Variants in MYH9 observed in about 807,000 individuals in gnomAD.
MYH9 encodes myosin heavy chain 9.
MYH9 carries 29 observed loss-of-function variants against 241.9 expected under a neutral mutation model. The ratio of observed to expected loss-of-function variants is 0.12; its 90% CI spans 0.09 to 0.16. The LOEUF is 0.16. Among genes scored for constraint, MYH9 ranks in the 10% least tolerant of loss-of-function variants. The pLI is 1.00. For missense variants in MYH9, 1,803 were observed against 2,595.5 expected, an observed-to-expected ratio of 0.69 and a Z score of 6.63; for synonymous variants, 1,047 against 1,062.6, an observed-to-expected ratio of 0.99 and a Z score of 0.29.
chr22:36,370,033 C>A (rs927313135), intron 1 of MYH9, among the ~76,000 whole-genome samples: 10 of 152,296 alleles, frequency 6.6e-5, no homozygotes, highest in African/African-American at 2.4e-4. Flanking sequence ...AATATATCAC[C>A]TGGCACTGTG....
intron 3 of MYH9, 24 bp downstream of exon 3, chr22:36,341,346 G>A: frequency 6.2e-7 from 1 of 1,612,864 alleles, no homozygotes; most frequent in South Asian, 1.1e-5. Flanking sequence ...TCAGCCCCAG[G>A]TGGGCACACA....
At position 36,292,009 on chromosome 22, in the gene MYH9, TCTC is replaced by T. The variant is rs775251085; in HGVS notation, c.4318_4320del (p.Glu1440del). The T allele has an allele frequency of 6.2e-7, 1 of 1,614,228 alleles. No homozygotes were observed. The highest frequency in any genetic ancestry group is 8.5e-7 in the Non-Finnish European group (1 of 1,180,042). On this transcript the variant is annotated inframe_deletion, in exon 31 of 41. Transcript: ENST00000216181. ...ACCTGGTCAAACTTCTTCTGCTTCT[TCTC>T]CAGGTTGCACGCGCTCTGGCGCTGG...
chr22:36,338,503 T>C (rs564949560), intron 3 of MYH9, among the ~76,000 whole-genome samples: 3 of 152,262 alleles, frequency 2.0e-5, no homozygotes, highest in East Asian at 1.9e-4. Flanking sequence ...ATGTATTTCC[T>C]ATCCCTGGTC....
intron 1 of MYH9, among the ~76,000 whole-genome samples, chr22:36,356,580 C>CAAAAA (rs34880972): frequency 1.2e-4 from 3 of 24,646 alleles, no homozygotes; most frequent in South Asian, 1.8e-3. Flanking sequence ...GACTCCATCT[C>CAAAAA]AAAAAAAAAA....
At chr22:36,387,106 C>G (rs2018364743) in intron 1 of MYH9, among the ~76,000 whole-genome samples, 1 of 152,236 alleles carries the variant, frequency 6.6e-6, no homozygotes, top group South Asian at 2.1e-4. Flanking sequence ...GGGGGTGGCC[C>G]TTCCTGTCTC....
At chr22:36,376,113 C>A (rs1329578534) in intron 1 of MYH9, among the ~76,000 whole-genome samples, 1 of 151,914 alleles carries the variant, frequency 6.6e-6, no homozygotes, top group East Asian at 1.9e-4. Flanking sequence ...TGGCATGCAC[C>A]ACCACACCCG....
rs2017410546 is a variant in MYH9, at chr22:36,330,867, G to C, written c.491-3379C>G. Among the ~76,000 whole-genome samples, 1 of 152,108 alleles carries C rather than the reference G, an allele frequency of 6.6e-6. No homozygotes were observed. Among genetic ancestry groups the C allele is most frequent in the Non-Finnish European group, 1.5e-5 (1 of 68,024 alleles). The stretch of plus-strand genomic sequence containing the variant: ...CTGGGACACGAGCCCCCTGCCAGAT[G>C]AAAGTCTAGCCGTGGTAGGCGCCTG... On this transcript the variant is annotated intron_variant, in intron 3 of 40. Coordinates refer to ENST00000216181, the MANE Select transcript of MYH9 (RefSeq NM_002473.6). This position sits in a 1 kb window ranked among gnomAD's most constrained non-coding sequence, Gnocchi z 4.5.
chr22:36,321,924 G>T, intron 6 of MYH9, 103 bp from the exon 7 acceptor site: 1 of 1,059,526 alleles, frequency 9.4e-7, no homozygotes, highest in Non-Finnish European at 1.5e-6. Flanking sequence ...GGTGGGCACA[G>T]CTTGGAGGGA....
intron 15 of MYH9, among the ~76,000 whole-genome samples, chr22:36,309,027 G>A (rs537281011): frequency 6.6e-6 from 1 of 152,230 alleles, no homozygotes; most frequent in Admixed American, 6.5e-5. Flanking sequence ...GAGGCTCGGG[G>A]CTGCCCTTGA....
In MYH9 at chr22:36,294,112, C is replaced by T. The variant is rs147031322; in HGVS notation, c.3817G>A (p.Asp1273Asn). The change falls in exon 28 of 41, where the codon GAC becomes AAC. Residue 1273 changes from aspartate to asparagine, a missense_variant. This residue lies in a region of MYH9 where 876 missense variants were observed against 1,077.8 expected (regional missense o/e 0.81). Coordinates refer to ENST00000216181, the MANE Select transcript of MYH9 (RefSeq NM_002473.6). ...CTCACCTGCAGCTTGGTGACCTTGT[C>T]GGCCAGCTCTGTGCGCACGCGCTCT... is the stretch of plus-strand genomic sequence containing the variant. ...EGERVRTELA[D>N]KVTKLQVELD... 1.0e-4 allele frequency: 162 copies of T among 1,609,766 alleles called. No individual in the cohort carries two copies. Among genetic ancestry groups the T allele is most frequent in the Non-Finnish European group, 1.3e-4 (157 of 1,180,012 alleles).
intron 19 of MYH9, among the ~76,000 whole-genome samples, chr22:36,303,259 C>T (rs1168788095): frequency 3.9e-5 from 6 of 152,038 alleles, no homozygotes; most frequent in Admixed American, 3.3e-4. Flanking sequence ...TGCCCACAGC[C>T]GCTGTCCTGC....
chr22:36,366,334 C>G (rs1312653013), intron 1 of MYH9, among the ~76,000 whole-genome samples: 1 of 151,912 alleles, frequency 6.6e-6, no homozygotes, highest in Non-Finnish European at 1.5e-5. Flanking sequence ...GATCACATAG[C>G]CAGGCCAAGC....
intron 21 of MYH9, 41 bp from the exon 22 acceptor site, chr22:36,301,098 C>G: frequency 6.4e-7 from 1 of 1,574,546 alleles, no homozygotes; most frequent in South Asian, 1.1e-5. Context: ...CTCGCAACAC[C>G]CTCAAGCCAC....
chr22:36,365,268 G>A (rs975421249), intron 1 of MYH9, among the ~76,000 whole-genome samples: 3 of 152,132 alleles, frequency 2.0e-5, no homozygotes, highest in Non-Finnish European at 4.4e-5. Context: ...CCCCAGGAAG[G>A]TAGCTCATTT....
At position 36,289,189 on chromosome 22, in the gene MYH9, G is replaced by A; in HGVS notation, c.4453C>T (p.Leu1485=). The change falls in exon 32 of 41, where the codon CTG becomes TTG. Residue 1485 remains leucine, a synonymous_variant. Transcript: ENST00000216181. Reference sequence around the variant, plus strand: ...GCCTTCTGCTCCATGGCTTCCTCCAGGGCCCGGGCCAGCGACAGAGCCTTG... The same window carrying A: ...GCCTTCTGCTCCATGGCTTCCTCCAAGGCCCGGGCCAGCGACAGAGCCTTG... The part of the protein sequence containing the change: ...ETKALSLARA[L]EEAMEQKAEL... 1 of 1,613,604 alleles carries A rather than the reference G, an allele frequency of 6.2e-7. No individual in the cohort carries two copies. The highest frequency in any genetic ancestry group is 1.1e-5 in the South Asian group (1 of 91,084).
intron 1 of MYH9, among the ~76,000 whole-genome samples, chr22:36,378,879 T>C (rs1326344018): frequency 6.6e-6 from 1 of 152,064 alleles, no homozygotes; most frequent in Non-Finnish European, 1.5e-5. Flanking sequence ...GCCTCCTGAT[T>C]TGGAAAGGCA....
At chr22:36,374,225 A>G (rs1569537117) in intron 1 of MYH9, among the ~76,000 whole-genome samples, 4 of 152,310 alleles carry the variant, frequency 2.6e-5, no homozygotes, top group African/African-American at 9.6e-5. Flanking sequence ...TCTACTAAAA[A>G]TACAAAAATT....
intron 3 of MYH9, among the ~76,000 whole-genome samples, chr22:36,332,686 A>AC (rs2017443216): frequency 6.6e-6 from 1 of 151,198 alleles, no homozygotes; most frequent in Non-Finnish European, 1.5e-5. Context: ...AAAAAAAAAA[A>AC]AAAACCTCAA....
chr22:36,334,232 G>A (rs1468810196), intron 3 of MYH9, among the ~76,000 whole-genome samples: 1 of 152,212 alleles, frequency 6.6e-6, no homozygotes, highest in Admixed American at 6.5e-5. Flanking sequence ...TGCTGGGGCC[G>A]GGCTTTCCTT....
Sources: allele counts gnomAD v4.1 joint callset (sites outside exome capture counted in the v4.1 genomes callset), GRCh38; gene constraint gnomAD v4.1.1; regional missense constraint gnomAD v4.1.1; non-coding constraint Gnocchi (gnomAD v3.1); transcripts MANE v1.5; gene names NCBI Gene and HGNC (gene_info 2026-07-23, HGNC 2026-07-21).